The following MEI4 variants were observed in gnomAD, a reference collection of about 807,000 sequenced individuals.
MEI4 encodes meiosis-specific protein MEI4.
In MEI4, 27 loss-of-function variants were observed where a neutral mutation model predicts 31.4. The ratio of observed to expected loss-of-function variants is 0.86; its 90% CI spans 0.63 to 1.19. MEI4 has a LOEUF of 1.19. MEI4 is among the 50% of genes most tolerant of loss of function. MEI4 has a pLI of 0.00. For synonymous variants in MEI4, 122 were observed against 145.4 expected (o/e 0.84, Z 1.16); for missense variants, 329 against 398.9 (o/e 0.82, Z 1.49).
chr6:77,680,497 G>C (rs929014450), intron 1 of MEI4, among the ~76,000 whole-genome samples: 1 of 152,056 alleles, frequency 6.6e-6, no homozygotes, highest in African/African-American at 2.4e-5. Context: ...TAGAGGACCA[G>C]TCCTGAGTTA....
chr6:77,752,579 C>G (rs1484577623), intron 2 of MEI4, among the ~76,000 whole-genome samples: 1 of 152,104 alleles, frequency 6.6e-6, no homozygotes, highest in East Asian at 1.9e-4. Context: ...TCAAGGAGAA[C>G]TACAAACCAC....
intron 4 of MEI4, among the ~76,000 whole-genome samples, chr6:77,905,848 T>C (rs1766285708): frequency 6.6e-6 from 1 of 151,298 alleles, no homozygotes; most frequent in African/African-American, 2.4e-5. Flanking sequence ...TATTTTTTTC[T>C]CTTCTTTAAC....
rs60672340 is a variant in MEI4 at position 77,868,499 on chromosome 6, CTACATA to C, written c.900+39440_900+39445del. ...GGAAAAAACTTCCATGTAAAAAATACTACATATATATATATATATATATATATATGC... is the reference window on the plus strand; with the variant it reads ...GGAAAAAACTTCCATGTAAAAAATACTATATATATATATATATATATATGC... On this transcript the variant is annotated intron_variant, in intron 4 of 4. Transcript: ENST00000684080. 3.4e-3 allele frequency among the ~76,000 whole-genome samples: 212 copies of C among 61,726 alleles called. 20 individuals are homozygous for C. The highest frequency in any genetic ancestry group is 0.011 in the African/African-American group (187 of 17,226). 40.5% of individuals were successfully genotyped at this position (61,726 alleles called of 152,430 possible). A position where few individuals can be genotyped will look rare whatever the true frequency, so the allele number is the denominator to read the frequency against.
chr6:77,700,805 C>T (rs572534954), intron 2 of MEI4, among the ~76,000 whole-genome samples: 4 of 152,280 alleles, frequency 2.6e-5, no homozygotes, highest in African/African-American at 9.6e-5. Context: ...TTTTCTACAG[C>T]TTCTTAATGA....
intron 3 of MEI4, among the ~76,000 whole-genome samples, chr6:77,787,637 T>G (rs887160960): frequency 6.6e-6 from 1 of 152,094 alleles, no homozygotes; most frequent in Non-Finnish European, 1.5e-5. Flanking sequence ...CATGCAAGGC[T>G]ACACAGGTGA....
chr6:77,749,231 T>A (rs1227240359), intron 2 of MEI4, among the ~76,000 whole-genome samples: 1 of 151,992 alleles, frequency 6.6e-6, no homozygotes, highest in Non-Finnish European at 1.5e-5. Flanking sequence ...GGATCACAAC[T>A]CCTCAACAGC....
rs16889501 is a variant in MEI4, at chr6:77,875,585, A to G, written c.900+46523A>G. On this transcript the variant is annotated intron_variant, in intron 4 of 4. Coordinates refer to ENST00000684080, the MANE Select transcript of MEI4 (RefSeq NM_001322247.2). Reference sequence around the variant, plus strand: ...TAGCTATTGCTAGTGATTTGTCAGCATTCAAAAAATCAGAAATCCAGGATC... The same window carrying G: ...TAGCTATTGCTAGTGATTTGTCAGCGTTCAAAAAATCAGAAATCCAGGATC... 0.023 allele frequency among the ~76,000 whole-genome samples: 3,435 copies of G among 152,324 alleles called. 335 individuals are homozygous for G. In the East Asian group the frequency reaches 0.31, roughly 14 times the overall value.
intron 3 of MEI4, among the ~76,000 whole-genome samples, chr6:77,791,782 A>G (rs13216397): frequency 0.092 from 13,962 of 152,020 alleles, 928 homozygotes; most frequent in East Asian, 0.3. Context: ...TGGTGAGAGA[A>G]CTTAAAATCT....
chr6:77,787,192 T>C (rs890885413), intron 3 of MEI4, among the ~76,000 whole-genome samples: 1 of 152,210 alleles, frequency 6.6e-6, no homozygotes, highest in African/African-American at 2.4e-5. Context: ...CTGTAAGCCA[T>C]GTTCTTTAGC....
At chr6:77,696,740 T>A (rs1319783023) in intron 2 of MEI4, among the ~76,000 whole-genome samples, 1 of 151,872 alleles carries the variant, frequency 6.6e-6, no homozygotes, top group Non-Finnish European at 1.5e-5. Flanking sequence ...TTTGGTTGTG[T>A]CTCTGCCAGG....
chr6:77,836,650 A>G (rs1770224667), intron 4 of MEI4, among the ~76,000 whole-genome samples: 1 of 152,150 alleles, frequency 6.6e-6, no homozygotes, highest in African/African-American at 2.4e-5. Flanking sequence ...AAAATATAGC[A>G]ACAAAATAAG....
At chr6:77,805,920 T>G (rs1051902750) in intron 3 of MEI4, among the ~76,000 whole-genome samples, 22 of 152,126 alleles carry the variant, frequency 1.4e-4, no homozygotes, top group Non-Finnish European at 2.8e-4. Context: ...TAAAATCTCT[T>G]TCTCTTGATG....
At chr6:77,680,128 A>AAAAAAAAAAAAAT (rs1247876878) in intron 1 of MEI4, among the ~76,000 whole-genome samples, 5 of 115,592 alleles carry the variant, frequency 4.3e-5, no homozygotes, top group Non-Finnish European at 9.5e-5. Flanking sequence ...AAAAAAAAAA[A>AAAAAAAAAAAAAT]ATTAGCTGGG....
rs1770672764 is a variant in MEI4, at chr6:77,853,240, A to C, written c.900+24178A>C. Among the ~76,000 whole-genome samples the C allele has an allele frequency of 2.0e-5, 3 of 152,160 alleles. No homozygotes were observed. In the South Asian group the frequency reaches 6.2e-4, roughly 31 times the overall value. On this transcript the variant is annotated intron_variant, in intron 4 of 4. Coordinates refer to ENST00000684080, the MANE Select transcript of MEI4 (RefSeq NM_001322247.2). ...AAAAAGACAGGTTAATGCCAGCAAAACATGGTTTTCTAATACCTAGAGCAT... is the reference window on the plus strand; with the variant it reads ...AAAAAGACAGGTTAATGCCAGCAAACCATGGTTTTCTAATACCTAGAGCAT...
rs5877568 is a variant in MEI4 at position 77,746,638 on chromosome 6, CGTGTGTGTGTGTGT to C, written c.233-14469_233-14456del. Among the ~76,000 whole-genome samples, 8 of 136,644 alleles carry C rather than the reference CGTGTGTGTGTGTGT, an allele frequency of 5.9e-5. No homozygotes were observed. The East Asian group carries it at 6.7e-4, about 11-fold the overall frequency. 89.6% of individuals were successfully genotyped at this position (136,644 alleles called of 152,430 possible). On this transcript the variant is annotated intron_variant, in intron 2 of 4. Transcript: ENST00000684080. ...TAAGTCAGTTTCTTAAAATATATGG[CGTGTGTGTGTGTGT>C]GTGTGTGTGTGTGTGTGTGTGTATG...
rs1428242831 is a variant in MEI4, at chr6:77,742,756, C to T, written c.233-18374C>T. On this transcript the variant is annotated intron_variant, in intron 2 of 4. Transcript: ENST00000684080. ...TTCTAGGGTTTTTATGGTTTTAGGT[C>T]TAACATGTAAGTCTTTAAACCATCT... Among the ~76,000 whole-genome samples the T allele has an allele frequency of 3.9e-5, 6 of 152,012 alleles. No homozygotes were observed. The East Asian group carries it at 1.2e-3, about 29-fold the overall frequency.
intron 2 of MEI4, among the ~76,000 whole-genome samples, chr6:77,695,324 A>G (rs940420253): frequency 2.0e-5 from 3 of 151,868 alleles, no homozygotes; most frequent in African/African-American, 7.3e-5. Context: ...TGTTTTAGAC[A>G]TGAAGTCCTT....
rs111408495 is a variant in MEI4, at chr6:77,706,805, G to A, written c.232+15902G>A. 5.3e-3 allele frequency among the ~76,000 whole-genome samples: 813 copies of A among 152,188 alleles called. 7 individuals carry two copies. The highest frequency in any genetic ancestry group is 0.019 in the African/African-American group (786 of 41,512). On this transcript the variant is annotated intron_variant, in intron 2 of 4. Coordinates refer to ENST00000684080, the MANE Select transcript of MEI4 (RefSeq NM_001322247.2). ...TTCCTGACTCACCATGTGATACACC[G>A]GCTCCCTGCTTTCTGCCATGATTAT...
At chr6:77,731,989 C>G (rs1338090361) in intron 2 of MEI4, among the ~76,000 whole-genome samples, 1 of 146,946 alleles carries the variant, frequency 6.8e-6, no homozygotes, top group African/African-American at 2.6e-5. Context: ...TGATCTATAT[C>G]TCTGTTTTGG....
Sources: allele counts gnomAD v4.1 joint callset (sites outside exome capture counted in the v4.1 genomes callset), GRCh38; gene constraint gnomAD v4.1.1; transcripts MANE v1.5; gene names NCBI Gene and HGNC (gene_info 2026-07-23, HGNC 2026-07-21).